DUSP16: variants seen among roughly 807,000 people sequenced by gnomAD.
DUSP16 encodes dual specificity protein phosphatase 16.
DUSP16 carries 21 observed loss-of-function variants against 58.3 expected under a neutral mutation model. That is an observed-to-expected ratio of 0.36 (90% confidence interval 0.26 to 0.52). The LOEUF is 0.52. DUSP16 is among the 20% of genes least tolerant of loss of function. The pLI, the probability that DUSP16 is intolerant of heterozygous loss-of-function variation, is 0.94. For missense variants in DUSP16, 726 were observed against 819.0 expected (o/e 0.89, Z 1.39); for synonymous variants, 320 against 323.8 (o/e 0.99, Z 0.12).
chr12:12,478,035 C>G lies in DUSP16; in HGVS notation c.816-20G>C, dbSNP rs1425663392. The G allele has an allele frequency of 6.5e-7, 1 of 1,528,858 alleles. No homozygotes were observed. Among genetic ancestry groups the G allele is most frequent in the Non-Finnish European group, 8.8e-7 (1 of 1,133,648 alleles). The allele number at this position is 1,528,858 out of a possible 1,614,324, so 94.7% of individuals were successfully genotyped here. A position where few individuals can be genotyped will look rare whatever the true frequency, so the allele number is the denominator to read the frequency against. ...ACAAATCTGCAGAGAGAGGAAAAAA[C>G]AAAAACCCGAATTTTACAACTACAC... is the stretch of plus-strand genomic sequence containing the variant. On this transcript the variant is annotated intron_variant, in intron 6 of 6. Transcript: ENST00000298573.
At chr12:12,556,019 C>T (rs1320655197) in intron 1 of DUSP16, among the ~76,000 whole-genome samples, 1 of 152,016 alleles carries the variant, frequency 6.6e-6, no homozygotes, top group East Asian at 1.9e-4. Flanking sequence ...CCAGCTTGGG[C>T]GACAGAGTAA....
At chr12:12,534,430 C>T (rs773248057) in intron 1 of DUSP16, among the ~76,000 whole-genome samples, 13 of 152,182 alleles carry the variant, frequency 8.5e-5, no homozygotes, top group African/African-American at 1.4e-4. Flanking sequence ...TAGCCCCAGA[C>T]GGGAGTCGGA....
Position 12,488,436 on chromosome 12 carries a change from C to T in DUSP16, c.532-1249G>A, listed in dbSNP as rs117804291. Among the ~76,000 whole-genome samples, 753 of 152,204 alleles carry T rather than the reference C, an allele frequency of 4.9e-3. 6 individuals are homozygous for T. Among genetic ancestry groups the T allele is most frequent in the Non-Finnish European group, 8.8e-3 (596 of 68,012 alleles). ...TGAAGTAATGAGTAAGATCTTGGACCGCGTCTTGTTTTTGCACCTTCAGCC... is the reference window on the plus strand; with the variant it reads ...TGAAGTAATGAGTAAGATCTTGGACTGCGTCTTGTTTTTGCACCTTCAGCC... On this transcript the variant is annotated intron_variant, in intron 4 of 6. Transcript: ENST00000298573.
chr12:12,504,709 A>AAAAG (rs1344632107), intron 3 of DUSP16, among the ~76,000 whole-genome samples: 46 of 138,110 alleles, frequency 3.3e-4, no homozygotes, highest in Admixed American at 4.5e-4. Flanking sequence ...AAAAAAAAAA[A>AAAAG]AAAGAAAGAA....
chr12:12,558,122 T>A (rs899077232), intron 1 of DUSP16, among the ~76,000 whole-genome samples: 3 of 152,256 alleles, frequency 2.0e-5, no homozygotes, highest in African/African-American at 7.2e-5. Context: ...CATGGGCCAG[T>A]GTCCCCAACT....
At chr12:12,490,192 A>G (rs1167626085) in intron 4 of DUSP16, among the ~76,000 whole-genome samples, 1 of 152,226 alleles carries the variant, frequency 6.6e-6, no homozygotes, top group Non-Finnish European at 1.5e-5. Flanking sequence ...TGCTTGGATT[A>G]TAGGCATGAG....
intron 1 of DUSP16, among the ~76,000 whole-genome samples, chr12:12,523,671 G>A (rs1463656539): frequency 6.6e-6 from 1 of 152,204 alleles, no homozygotes; most frequent in Non-Finnish European, 1.5e-5. Context: ...ATTTGTCCTA[G>A]TCAATCCACT....
Position 12,477,082 on chromosome 12 carries a change from G to A in DUSP16, c.1749C>T (p.Ser583=). 1.9e-6 allele frequency: 3 copies of A among 1,614,276 alleles called. No individual in the cohort carries two copies. Among genetic ancestry groups the A allele is most frequent in the Non-Finnish European group, 2.5e-6 (3 of 1,180,062 alleles). The part of the protein sequence containing the change: ...YGGSASYSAY[S]CSQLPTCGDQ... ...CTCCGCAAGTGGGCAGCTGGCTGCA[G>A]CTGTAGGCAGAGTAACTGGCACTGC... The change falls in exon 7 of 7, where the codon AGC becomes AGT. Residue 583 remains serine, a synonymous_variant. Transcript: ENST00000298573. The surrounding 1 kb of genome is among the most constrained non-coding windows in gnomAD (Gnocchi z 4.1).
At chr12:12,529,886 T>C (rs886478726) in intron 1 of DUSP16, among the ~76,000 whole-genome samples, 2 of 152,250 alleles carry the variant, frequency 1.3e-5, no homozygotes, top group African/African-American at 2.4e-5. Flanking sequence ...TAAGGCTGAA[T>C]AGAATTTCAT....
intron 1 of DUSP16, among the ~76,000 whole-genome samples, chr12:12,555,500 G>A (rs572163894): frequency 4.6e-5 from 7 of 152,290 alleles, no homozygotes; most frequent in African/African-American, 1.4e-4. Flanking sequence ...CACACTGTAA[G>A]TAGCATATAC....
intron 4 of DUSP16, among the ~76,000 whole-genome samples, chr12:12,489,850 T>C (rs1943737967): frequency 6.6e-6 from 1 of 152,262 alleles, no homozygotes; most frequent in Non-Finnish European, 1.5e-5. Flanking sequence ...TAGAGACCTT[T>C]TAATTAGACA....
At chr12:12,519,198 C>A (rs767901824) in intron 3 of DUSP16, among the ~76,000 whole-genome samples, 1 of 152,146 alleles carries the variant, frequency 6.6e-6, no homozygotes, top group Non-Finnish European at 1.5e-5. Flanking sequence ...CCTACAATGC[C>A]GTCCTCCAGG....
At chr12:12,548,404 G>A (rs1463619184) in intron 1 of DUSP16, among the ~76,000 whole-genome samples, 2 of 152,196 alleles carry the variant, frequency 1.3e-5, no homozygotes, top group South Asian at 2.1e-4. Flanking sequence ...GGGAGGCCGA[G>A]GCAGGCGGCC....
intron 1 of DUSP16, among the ~76,000 whole-genome samples, chr12:12,534,033 TG>T (rs2136244524): frequency 6.6e-6 from 1 of 152,218 alleles, no homozygotes; most frequent in East Asian, 1.9e-4. Flanking sequence ...CGGGTAACTC[TG>T]GGGTAACTGT....
chr12:12,526,583 G>A (rs1176487831), intron 1 of DUSP16, among the ~76,000 whole-genome samples: 1 of 152,092 alleles, frequency 6.6e-6, no homozygotes, highest in African/African-American at 2.4e-5. Flanking sequence ...TACTTAAAAG[G>A]AAAATGTTTT....
chr12:12,548,798 C>T (rs1374096569), intron 1 of DUSP16, among the ~76,000 whole-genome samples: 1 of 152,072 alleles, frequency 6.6e-6, no homozygotes, highest in Non-Finnish European at 1.5e-5. Flanking sequence ...CCTACAGAAG[C>T]GGCCAGCTAA....
In DUSP16 at chr12:12,476,740, A is replaced by G; in HGVS notation, c.*93T>C. 1.7e-6 allele frequency: 2 copies of G among 1,198,240 alleles called. No homozygotes were observed. The highest frequency in any genetic ancestry group is 2.3e-6 in the Non-Finnish European group (2 of 865,270). 74.2% of individuals were successfully genotyped at this position (1,198,240 alleles called of 1,614,324 possible). A position where few individuals can be genotyped will look rare whatever the true frequency, so the allele number is the denominator to read the frequency against. On this transcript the variant is annotated 3_prime_UTR_variant, in exon 7 of 7. Transcript: ENST00000298573. ...ATAGCTCCATTTTCCAAAAATATAT[A>G]TGTATGTACATATATATATTTCAGA...
intron 1 of DUSP16, among the ~76,000 whole-genome samples, chr12:12,560,044 G>A (rs965677836): frequency 1.3e-5 from 2 of 151,974 alleles, no homozygotes; most frequent in African/African-American, 4.8e-5. Context: ...TATTTTATAG[G>A]TACACACTTA....
chr12:12,512,833 AC>A (rs1191709006), intron 3 of DUSP16, among the ~76,000 whole-genome samples: 1 of 152,170 alleles, frequency 6.6e-6, no homozygotes, highest in African/African-American at 2.4e-5. Flanking sequence ...ACCAAGTTCT[AC>A]AGGATTCGAA....
Sources: allele counts gnomAD v4.1 joint callset (sites outside exome capture counted in the v4.1 genomes callset), GRCh38; gene constraint gnomAD v4.1.1; non-coding constraint Gnocchi (gnomAD v3.1); transcripts MANE v1.5; gene names NCBI Gene and HGNC (gene_info 2026-07-23, HGNC 2026-07-21).